The following TOX2 variants were observed in gnomAD, a reference collection of about 807,000 sequenced individuals.
TOX2 encodes granulosa cell HMG box 1.
Under a neutral mutation model 47.4 loss-of-function variants are expected in TOX2, and 15 were observed. That is an observed-to-expected ratio of 0.32 (90% confidence interval 0.21 to 0.49). The LOEUF is 0.49. TOX2 is among the 20% of genes least tolerant of loss of function. TOX2 has a pLI of 0.99. For synonymous variants in TOX2, 290 were observed against 296.6 expected, an observed-to-expected ratio of 0.98 and a Z score of 0.23; for missense variants, 622 against 673.1, an observed-to-expected ratio of 0.92 and a Z score of 0.84.
At chr20:43,957,535 T>G (rs1360285715) in intron 1 of TOX2, among the ~76,000 whole-genome samples, 3 of 151,526 alleles carry the variant, frequency 2.0e-5, no homozygotes, top group African/African-American at 7.3e-5. Context: ...GCAAAGCACA[T>G]CACATGTTAC....
At chr20:43,984,537 T>G (rs6031274) in intron 2 of TOX2, among the ~76,000 whole-genome samples, 40,364 of 152,098 alleles carry the variant, frequency 0.27, 6,379 homozygotes, top group African/African-American at 0.44. Context: ...ATCTTAATTT[T>G]ACATCCCAAT....
intron 2 of TOX2, among the ~76,000 whole-genome samples, chr20:43,996,120 C>T (rs931706684): frequency 6.6e-6 from 1 of 152,242 alleles, no homozygotes; most frequent in Admixed American, 6.5e-5. Context: ...AACTAATTTA[C>T]ACTCCTACCA....
At chr20:43,936,710 C>T (rs1249696898) in intron 1 of TOX2, among the ~76,000 whole-genome samples, 1 of 152,224 alleles carries the variant, frequency 6.6e-6, no homozygotes, top group Non-Finnish European at 1.5e-5. Flanking sequence ...GAGCAAACCC[C>T]AGTGTCCTGG....
chr20:43,957,424 G>C (rs1034621080), intron 1 of TOX2, among the ~76,000 whole-genome samples: 58 of 152,250 alleles, frequency 3.8e-4, no homozygotes, highest in Non-Finnish European at 3.1e-4. Context: ...TTCTGTGTGA[G>C]CTATGAGCAC....
chr20:44,016,443 A>G (rs1486558697), intron 3 of TOX2, among the ~76,000 whole-genome samples: 2 of 152,044 alleles, frequency 1.3e-5, no homozygotes, highest in African/African-American at 4.8e-5. Flanking sequence ...ATCTTAAACC[A>G]TGGTGTTTCC....
intron 1 of TOX2, among the ~76,000 whole-genome samples, chr20:43,927,811 C>T (rs970731080): frequency 7.3e-6 from 1 of 137,802 alleles, no homozygotes; most frequent in Non-Finnish European, 1.6e-5. Context: ...CTCCTTCATA[C>T]AGCCATCCAA....
intron 3 of TOX2, among the ~76,000 whole-genome samples, chr20:44,011,282 C>T (rs1600734308): frequency 6.6e-6 from 1 of 152,160 alleles, no homozygotes; most frequent in South Asian, 2.1e-4. Context: ...CTCAGCTGTG[C>T]GACAGCCTTC....
intron 1 of TOX2, among the ~76,000 whole-genome samples, chr20:43,943,007 C>T (rs2069420601): frequency 1.3e-5 from 2 of 152,206 alleles, no homozygotes; most frequent in South Asian, 4.1e-4. Context: ...CATTAAATAC[C>T]TCCACCTGAA....
chr20:43,982,259 G>A (rs1277818910), intron 2 of TOX2, among the ~76,000 whole-genome samples: 1 of 152,172 alleles, frequency 6.6e-6, no homozygotes, highest in African/African-American at 2.4e-5. Context: ...GTGAGAGGTG[G>A]TGGGGAGGTC....
intron 2 of TOX2, among the ~76,000 whole-genome samples, chr20:43,991,077 T>A (rs768984935): frequency 6.6e-6 from 1 of 152,154 alleles, no homozygotes; most frequent in Non-Finnish European, 1.5e-5. Context: ...ATTTTTAAAA[T>A]CCCTTGATCC....
At chr20:44,039,020 C>T in intron 3 of TOX2, 1 of 1,220,622 alleles carries the variant, frequency 8.2e-7, no homozygotes, top group Non-Finnish European at 1.0e-6. Flanking sequence ...AAGAGGGAAG[C>T]AGGAGGCTGG....
intron 1 of TOX2, among the ~76,000 whole-genome samples, chr20:43,937,695 G>A (rs974200111): frequency 6.6e-5 from 10 of 152,088 alleles, no homozygotes; most frequent in African/African-American, 1.9e-4. Flanking sequence ...CAGCCTCTAC[G>A]TCCATGTGCA....
chr20:43,951,710 T>TG (rs1569027109), intron 1 of TOX2, among the ~76,000 whole-genome samples: 1 of 113,280 alleles, frequency 8.8e-6, no homozygotes, highest in Non-Finnish European at 1.9e-5. Flanking sequence ...TTATTATGTT[T>TG]TTTTTTTTTT....
chr20:44,068,114 C>A (rs1255578470), intron 8 of TOX2, among the ~76,000 whole-genome samples: 1 of 152,078 alleles, frequency 6.6e-6, no homozygotes, highest in Non-Finnish European at 1.5e-5. Flanking sequence ...CCCTTCCCTG[C>A]ACCCCAAGCA....
chr20:43,954,788 C>T (rs973604745), intron 1 of TOX2, among the ~76,000 whole-genome samples: 6 of 152,202 alleles, frequency 3.9e-5, no homozygotes, highest in African/African-American at 1.4e-4. Flanking sequence ...GGAGGATCCA[C>T]GAGGGTGTGG....
chr20:43,988,227 A>G (rs1261302875), intron 2 of TOX2, among the ~76,000 whole-genome samples: 1 of 152,048 alleles, frequency 6.6e-6, no homozygotes, highest in East Asian at 1.9e-4. Flanking sequence ...CGAAACATCA[A>G]CACTTAAAGC....
chr20:43,975,733 G>A (rs2070065286), intron 2 of TOX2, among the ~76,000 whole-genome samples: 1 of 151,942 alleles, frequency 6.6e-6, no homozygotes, highest in African/African-American at 2.4e-5. Context: ...TGTCACAGTG[G>A]TCATCTACTT....
chr20:44,018,694 G>A (rs187356731), intron 3 of TOX2, among the ~76,000 whole-genome samples: 2 of 152,282 alleles, frequency 1.3e-5, no homozygotes, highest in Admixed American at 1.3e-4. Context: ...TTTATAAAAG[G>A]CAGCAAGACA....
intron 1 of TOX2, among the ~76,000 whole-genome samples, chr20:43,919,413 G>A (rs1377298834): frequency 6.6e-6 from 1 of 152,212 alleles, no homozygotes; most frequent in Non-Finnish European, 1.5e-5. Flanking sequence ...CCTGGGGCTG[G>A]TTTGTGATTG....
Sources: allele counts gnomAD v4.1 joint callset (sites outside exome capture counted in the v4.1 genomes callset), GRCh38; gene constraint gnomAD v4.1.1; transcripts MANE v1.5; gene names NCBI Gene and HGNC (gene_info 2026-07-23, HGNC 2026-07-21).